The following PRKCA variants were observed in gnomAD, a reference collection of about 807,000 sequenced individuals.
PRKCA encodes protein kinase C alpha type.
A neutral mutation model predicts 87.0 loss-of-function variants in PRKCA; 27 were observed. That is an observed-to-expected ratio of 0.31 (90% CI 0.23 to 0.43). The LOEUF is 0.43. PRKCA is among the 20% of genes least tolerant of loss of function. The pLI, the probability that PRKCA is intolerant of heterozygous loss-of-function variation, is 1.00. For synonymous variants in PRKCA, 329 were observed against 311.1 expected, an observed-to-expected ratio of 1.06 and a Z score of -0.61; for missense variants, 518 against 852.3, an observed-to-expected ratio of 0.61 and a Z score of 4.88.
At chr17:66,397,250 C>G (rs1218247846) in intron 2 of PRKCA, among the ~76,000 whole-genome samples, 2 of 147,996 alleles carry the variant, frequency 1.4e-5, no homozygotes, top group African/African-American at 2.5e-5. Flanking sequence ...CAGGCATGAG[C>G]CAGCATGCCC....
At chr17:66,538,203 G>A (rs540300343) in intron 3 of PRKCA, among the ~76,000 whole-genome samples, 1 of 152,270 alleles carries the variant, frequency 6.6e-6, no homozygotes, top group Non-Finnish European at 1.5e-5. Flanking sequence ...AAAGAATGTG[G>A]CTTTGAAACT....
intron 3 of PRKCA, among the ~76,000 whole-genome samples, chr17:66,584,466 T>A (rs1969534896): frequency 6.6e-6 from 1 of 152,202 alleles, no homozygotes. Flanking sequence ...CCTCAGGTGA[T>A]CTGCCTGCCT....
intron 3 of PRKCA, among the ~76,000 whole-genome samples, chr17:66,512,189 C>T (rs1405210388): frequency 6.6e-6 from 1 of 152,124 alleles, no homozygotes; most frequent in Non-Finnish European, 1.5e-5. Context: ...TGTGTCACTC[C>T]ATCTGAACCC....
chr17:66,650,910 G>A (rs1429640795), intron 5 of PRKCA, among the ~76,000 whole-genome samples: 1 of 152,148 alleles, frequency 6.6e-6, no homozygotes, highest in African/African-American at 2.4e-5. Context: ...CGTGTGTCCT[G>A]CTCTCTTCCT....
intron 3 of PRKCA, among the ~76,000 whole-genome samples, chr17:66,621,184 T>G (rs1970670833): frequency 6.6e-6 from 1 of 152,190 alleles, no homozygotes; most frequent in African/African-American, 2.4e-5. Context: ...TCCCAGTCAA[T>G]GAAAACTTGG....
chr17:66,717,173 A>G (rs1011769748), intron 8 of PRKCA, among the ~76,000 whole-genome samples: 1 of 152,158 alleles, frequency 6.6e-6, no homozygotes, highest in Non-Finnish European at 1.5e-5. Context: ...AACCTGCGTG[A>G]TACAGGGCAA....
chr17:66,527,022 G>A (rs949004716), intron 3 of PRKCA, among the ~76,000 whole-genome samples: 5 of 152,178 alleles, frequency 3.3e-5, no homozygotes, highest in Admixed American at 2.0e-4. Context: ...TGGTTTGTGT[G>A]TGTCTTGTGT....
At chr17:66,648,227 G>A (rs1256078330) in intron 5 of PRKCA, among the ~76,000 whole-genome samples, 1 of 152,124 alleles carries the variant, frequency 6.6e-6, no homozygotes, top group Non-Finnish European at 1.5e-5. Context: ...AGGTTATCCC[G>A]AAAGGATTAC....
intron 2 of PRKCA, among the ~76,000 whole-genome samples, chr17:66,377,813 T>G (rs1464405765): frequency 6.9e-6 from 1 of 145,096 alleles, no homozygotes; most frequent in African/African-American, 2.5e-5. Context: ...TAGAGACAGA[T>G]TCTCACTACA....
chr17:66,391,500 A>G (rs1170233275), intron 2 of PRKCA, among the ~76,000 whole-genome samples: 2 of 152,104 alleles, frequency 1.3e-5, no homozygotes, highest in African/African-American at 2.4e-5. Context: ...TCATCACTTC[A>G]TCTGCAGCAC....
intron 3 of PRKCA, among the ~76,000 whole-genome samples, chr17:66,523,913 A>G (rs1230534475): frequency 6.6e-6 from 1 of 152,224 alleles, no homozygotes; most frequent in Non-Finnish European, 1.5e-5. Context: ...TACTATTTAT[A>G]GTTGCTTATA....
intron 8 of PRKCA, among the ~76,000 whole-genome samples, chr17:66,691,757 G>A (rs1972791341): frequency 6.8e-6 from 1 of 147,842 alleles, no homozygotes; most frequent in Admixed American, 6.9e-5. Context: ...GCAGTCACTG[G>A]GTCAGGGGCT....
rs556583070 is a variant in PRKCA, at chr17:66,438,624, A to G, written c.206-57577A>G. Among the ~76,000 whole-genome samples the G allele has an allele frequency of 2.0e-5, 3 of 152,298 alleles. No homozygotes were observed. In the South Asian group the frequency reaches 6.2e-4, roughly 32 times the overall value. ...GTTCTCATATTGCTGCAAAGATACT[A>G]CCTGAGACCAGGTACTTTATAAAGG... On this transcript the variant is annotated intron_variant, in intron 2 of 16. Coordinates refer to ENST00000413366, the MANE Select transcript of PRKCA (RefSeq NM_002737.3).
At position 66,805,063 on chromosome 17, in the gene PRKCA, G is replaced by C. The variant is rs1011048687; in HGVS notation, c.*1026G>C. On this transcript the variant is annotated 3_prime_UTR_variant, in exon 17 of 17. Coordinates refer to ENST00000413366, the MANE Select transcript of PRKCA (RefSeq NM_002737.3). ...TGTACAGTAACTTAATGGAAGTGCT[G>C]ACTCTAGCATCAGCCTCTACCGATT... The C allele has an allele frequency of 2.1e-5, 21 of 981,900 alleles. No individual in the cohort carries two copies. The highest frequency in any genetic ancestry group is 2.1e-5 in the Non-Finnish European group (17 of 826,802). 60.8% of individuals were successfully genotyped at this position (981,900 alleles called of 1,614,324 possible). A position where few individuals can be genotyped will look rare whatever the true frequency, so the allele number is the denominator to read the frequency against.
At chr17:66,522,304 T>C (rs543792397) in intron 3 of PRKCA, among the ~76,000 whole-genome samples, 15 of 152,146 alleles carry the variant, frequency 9.9e-5, no homozygotes, top group African/African-American at 3.4e-4. Flanking sequence ...TAATGCCCAC[T>C]TTTTTTTCAC....
chr17:66,404,858 T>C (rs1911266755), intron 2 of PRKCA, among the ~76,000 whole-genome samples: 2 of 146,518 alleles, frequency 1.4e-5, no homozygotes, highest in Admixed American at 7.0e-5. Context: ...CAAGCATTTC[T>C]CCTGCCTCAG....
intron 3 of PRKCA, among the ~76,000 whole-genome samples, chr17:66,636,432 A>G (rs533232348): frequency 6.6e-6 from 1 of 152,350 alleles, no homozygotes; most frequent in East Asian, 1.9e-4. Flanking sequence ...GGCATTTGCC[A>G]AGAGGACTGG....
intron 2 of PRKCA, among the ~76,000 whole-genome samples, chr17:66,455,896 T>C (rs1017771028): frequency 1.3e-5 from 2 of 152,188 alleles, no homozygotes; most frequent in Non-Finnish European, 1.5e-5. Context: ...TCAAAATTCA[T>C]GCTCGTCCAG....
At position 66,738,345 on chromosome 17, in the gene PRKCA, A is replaced by G. The variant is rs553070507; in HGVS notation, c.1231-419A>G. The stretch of plus-strand genomic sequence containing the variant: ...TACATTAGTATGGCACGCCTCCCAG[A>G]CACTGCAAACCAGCCTTTAAACATT... On this transcript the variant is annotated intron_variant, in intron 10 of 16. Coordinates refer to ENST00000413366, the MANE Select transcript of PRKCA (RefSeq NM_002737.3). 2.6e-5 allele frequency among the ~76,000 whole-genome samples: 4 copies of G among 152,370 alleles called. No individual in the cohort carries two copies. In the East Asian group the frequency reaches 7.7e-4, roughly 29 times the overall value.
Sources: gnomAD v4.1 joint callset for allele counts (sites outside exome capture counted in the v4.1 genomes callset) on GRCh38, gnomAD v4.1.1 for gene constraint, MANE v1.5 for transcripts, NCBI Gene and HGNC (gene_info 2026-07-23, HGNC 2026-07-21) for gene names.